The following WDR7 variants were observed in gnomAD, a reference collection of about 807,000 sequenced individuals.
WDR7 encodes WD repeat-containing protein 7.
WDR7 carries 46 observed loss-of-function variants against 169.4 expected under a neutral mutation model. That is an observed-to-expected ratio of 0.27 (90% CI 0.21 to 0.35). The LOEUF is 0.35. Among genes scored for constraint, WDR7 ranks in the 10% least tolerant of loss-of-function variants. The probability of loss-of-function intolerance (pLI) is 1.00; values close to 1 mark genes in which losing one functional copy is unlikely to be tolerated. For synonymous variants in WDR7, 612 were observed against 666.8 expected (o/e 0.92, Z 1.27); for missense variants, 1,534 against 1,859.3 (o/e 0.83, Z 3.22).
At position 56,839,204 on chromosome 18, in the gene WDR7, A is replaced by G. The variant is rs534411796; in HGVS notation, c.3304+23060A>G. On this transcript the variant is annotated intron_variant, in intron 20 of 27. Coordinates refer to ENST00000254442, the MANE Select transcript of WDR7 (RefSeq NM_015285.3). Reference sequence around the variant, plus strand: ...ATATTTTGATACCTGTATACAATGTATAGTTATCAAATCAGGGTCTGCATA... The same window carrying G: ...ATATTTTGATACCTGTATACAATGTGTAGTTATCAAATCAGGGTCTGCATA... Among the ~76,000 whole-genome samples the G allele has an allele frequency of 2.0e-4, 30 of 152,276 alleles. No homozygotes were observed. In the South Asian group the frequency reaches 6.2e-3, roughly 32 times the overall value.
intron 14 of WDR7, among the ~76,000 whole-genome samples, chr18:56,732,644 G>C (rs1013975271): frequency 1.3e-5 from 2 of 152,102 alleles, no homozygotes; most frequent in African/African-American, 4.8e-5. Flanking sequence ...TGTTTTATCA[G>C]CTATGTTGTA....
chr18:56,713,147 A>G (rs933500907), intron 12 of WDR7, among the ~76,000 whole-genome samples: 1 of 152,208 alleles, frequency 6.6e-6, no homozygotes. Flanking sequence ...TTCATCGGCT[A>G]TATTACAAGT....
At chr18:56,754,570 G>A (rs1392038563) in intron 14 of WDR7, among the ~76,000 whole-genome samples, 1 of 152,022 alleles carries the variant, frequency 6.6e-6, no homozygotes, top group Non-Finnish European at 1.5e-5. Flanking sequence ...ACGTGTGGAT[G>A]AGTGTATAGT....
At position 56,756,617 on chromosome 18, in the gene WDR7, T is replaced by C. The variant is rs780902701; in HGVS notation, c.2024T>C (p.Met675Thr). 1.2e-6 allele frequency: 2 copies of C among 1,609,630 alleles called. No homozygotes were observed. The highest frequency in any genetic ancestry group is 1.7e-6 in the Non-Finnish European group (2 of 1,178,560). Reference protein sequence around the residue: ...NLPKYSHNSLMVQAIKTNLTD... With the variant: ...NLPKYSHNSLTVQAIKTNLTD... ...CCTAAATATTCTCATAACTCCCTGATGGTTCAAGCAATAAAGACAAACCTA... is the reference window on the plus strand; with the variant it reads ...CCTAAATATTCTCATAACTCCCTGACGGTTCAAGCAATAAAGACAAACCTA... The change falls in exon 15 of 28, where the codon ATG becomes ACG. Residue 675 changes from methionine to threonine, a missense_variant. Coordinates refer to ENST00000254442, the MANE Select transcript of WDR7 (RefSeq NM_015285.3).
rs529235081 is a variant in WDR7 at position 56,762,999 on chromosome 18, C to T, written c.2848+4046C>T. ...TTTTTGAGATGGAGTCTGGCTCTGT[C>T]GCCCAGGCTGGAGTGCAGTGGCGCG... On this transcript the variant is annotated intron_variant, in intron 16 of 27. Transcript: ENST00000254442. Among the ~76,000 whole-genome samples, 71 of 150,680 alleles carry T rather than the reference C, an allele frequency of 4.7e-4. 2 individuals carry two copies. The highest frequency in any genetic ancestry group is 1.6e-3 in the African/African-American group (67 of 40,976).
intron 5 of WDR7, among the ~76,000 whole-genome samples, chr18:56,684,443 A>C (rs537935516): frequency 1.1e-3 from 165 of 152,312 alleles, no homozygotes; most frequent in Middle Eastern, 6.8e-3. Flanking sequence ...CAGACAATAC[A>C]TTAGTGATTG....
chr18:56,900,064 ATGTGTG>A (rs3045243), intron 21 of WDR7, among the ~76,000 whole-genome samples: 14 of 137,900 alleles, frequency 1.0e-4, no homozygotes, highest in South Asian at 4.6e-4. Flanking sequence ...ACATATATAT[ATGTGTG>A]TGTGTGTGTG....
intron 26 of WDR7, among the ~76,000 whole-genome samples, chr18:56,983,570 CAGAGAG>C (rs574515963): frequency 4.3e-4 from 26 of 60,924 alleles, no homozygotes; most frequent in African/African-American, 7.9e-4. Context: ...CACACACACA[CAGAGAG>C]AGAGAGAGAG....
Position 56,698,761 on chromosome 18 carries a change from C to T in WDR7, c.1578+2299C>T, listed in dbSNP as rs1355775615. Among the ~76,000 whole-genome samples the T allele has an allele frequency of 6.6e-5, 10 of 152,170 alleles. No homozygotes were observed. In the South Asian group the frequency reaches 1.9e-3, roughly 28 times the overall value. The stretch of plus-strand genomic sequence containing the variant: ...CTACTAAACTTGGACAAGCCAAAAG[C>T]GGTAGTTGGCCTGGAGAATATGAGG... On this transcript the variant is annotated intron_variant, in intron 12 of 27. Coordinates refer to ENST00000254442, the MANE Select transcript of WDR7 (RefSeq NM_015285.3).
intron 19 of WDR7, among the ~76,000 whole-genome samples, chr18:56,804,725 A>T (rs1038366839): frequency 3.3e-5 from 5 of 152,232 alleles, no homozygotes; most frequent in Middle Eastern, 3.2e-3. Flanking sequence ...AGAATGATCA[A>T]AAACTGCGAC....
intron 22 of WDR7, among the ~76,000 whole-genome samples, chr18:56,935,468 C>A (rs116625739): frequency 2.0e-5 from 3 of 152,258 alleles, no homozygotes; most frequent in African/African-American, 7.2e-5. Context: ...ATATTCAGCA[C>A]AATATTCGTT....
At chr18:56,652,192 C>A (rs1008024058) in intron 1 of WDR7, among the ~76,000 whole-genome samples, 1 of 152,106 alleles carries the variant, frequency 6.6e-6, no homozygotes, top group African/African-American at 2.4e-5. Flanking sequence ...GTTTTTTACC[C>A]ACTTAGTATG....
chr18:56,749,329 T>G (rs1331068233), intron 14 of WDR7, among the ~76,000 whole-genome samples: 2 of 152,006 alleles, frequency 1.3e-5, no homozygotes, highest in Non-Finnish European at 2.9e-5. Flanking sequence ...TGTCAAGTGT[T>G]TTTTGTTTTC....
intron 19 of WDR7, among the ~76,000 whole-genome samples, chr18:56,789,833 C>A (rs1324433944): frequency 1.3e-5 from 2 of 152,170 alleles, no homozygotes; most frequent in Admixed American, 6.5e-5. Flanking sequence ...TGTTCACTTA[C>A]CATCTGCTTT....
At chr18:56,732,346 C>T (rs754809178) in intron 14 of WDR7, among the ~76,000 whole-genome samples, 9 of 152,188 alleles carry the variant, frequency 5.9e-5, no homozygotes, top group Admixed American at 3.3e-4. Context: ...TCATCTCAAT[C>T]ACTACTTAAA....
At chr18:56,716,991 C>T (rs868136472) in intron 12 of WDR7, among the ~76,000 whole-genome samples, 4 of 152,132 alleles carry the variant, frequency 2.6e-5, no homozygotes, top group Non-Finnish European at 2.9e-5. Context: ...AGGAGAACCC[C>T]CAGCAGGGTG....
At chr18:56,984,680 A>G (rs963553275) in intron 26 of WDR7, among the ~76,000 whole-genome samples, 1 of 152,108 alleles carries the variant, frequency 6.6e-6, no homozygotes, top group African/African-American at 2.4e-5. Flanking sequence ...TTTATGCAGC[A>G]CTTTTTAAAT....
intron 26 of WDR7, among the ~76,000 whole-genome samples, chr18:56,992,354 C>A (rs184218867): frequency 1.1e-3 from 172 of 152,254 alleles, no homozygotes; most frequent in African/African-American, 3.9e-3. Flanking sequence ...ATGAAATTAT[C>A]TATGTGGAAT....
At chr18:56,888,716 A>G (rs1392529456) in intron 21 of WDR7, among the ~76,000 whole-genome samples, 5 of 152,108 alleles carry the variant, frequency 3.3e-5, no homozygotes, top group Admixed American at 1.3e-4. Flanking sequence ...ATAATTGTGG[A>G]ATTATGCTGG....
Sources: allele counts gnomAD v4.1 joint callset (sites outside exome capture counted in the v4.1 genomes callset), GRCh38; gene constraint gnomAD v4.1.1; transcripts MANE v1.5; gene names NCBI Gene and HGNC (gene_info 2026-07-23, HGNC 2026-07-21).